The following FRY variants were observed in gnomAD, a reference collection of about 807,000 sequenced individuals.
The protein encoded by FRY is FRY microtubule binding protein, also known as protein furry homolog.
Under a neutral mutation model 348.4 loss-of-function variants are expected in FRY, and 128 were observed. The observed-to-expected ratio is 0.37, with a 90% CI of 0.32 to 0.43. The LOEUF is 0.43. FRY is among the 20% of genes least tolerant of loss of function. The pLI, the probability that FRY is intolerant of heterozygous loss-of-function variation, is 1.00. For synonymous variants in FRY, 1,370 were observed against 1,374.7 expected (o/e 1.00, Z 0.08); for missense variants, 2,736 against 3,695.2 (o/e 0.74, Z 6.73).
chr13:32,265,975 G>A (rs1313387143), intron 54 of FRY, among the ~76,000 whole-genome samples: 1 of 152,128 alleles, frequency 6.6e-6, no homozygotes, highest in Non-Finnish European at 1.5e-5. Flanking sequence ...TGGAACAAGA[G>A]GCTCTTTATA....
At chr13:32,205,872 G>A (rs965881768) in intron 31 of FRY, among the ~76,000 whole-genome samples, 2 of 151,878 alleles carry the variant, frequency 1.3e-5, no homozygotes, top group South Asian at 4.2e-4. Context: ...AATAATAAAT[G>A]ATAAGGGCCT....
chr13:32,073,527 TTGTGTGTATGTGGGCGGG>T (rs1407566502), intron 1 of FRY, among the ~76,000 whole-genome samples: 2 of 151,970 alleles, frequency 1.3e-5, no homozygotes, highest in African/African-American at 4.8e-5. Flanking sequence ...AGTGTGGTAT[TTGTGTGTATGTGGGCGGG>T]TGTGTGTGTG....
chr13:32,208,170 T>C (rs1316111973), intron 31 of FRY, among the ~76,000 whole-genome samples: 1 of 152,232 alleles, frequency 6.6e-6, no homozygotes, highest in Non-Finnish European at 1.5e-5. Flanking sequence ...ACCTTCCACA[T>C]GCTTAGCAGT....
At chr13:32,140,654 A>G (rs2138798005) in intron 11 of FRY, among the ~76,000 whole-genome samples, 1 of 152,316 alleles carries the variant, frequency 6.6e-6, no homozygotes, top group East Asian at 1.9e-4. Flanking sequence ...ATTAGGATTG[A>G]GAATGACGCA....
Position 32,295,428 on chromosome 13 carries a change from C to T in FRY, c.9010C>T (p.Pro3004Ser). Residue 3004 changes from proline (P) to serine (S), a missense_variant, in exon 61 of 61, where the codon CCA (proline) becomes TCA (serine). Around this residue, in one of 9 missense-constraint regions of FRY, gnomAD observed 157 missense variants for 215.2 expected, o/e 0.73. Coordinates refer to ENST00000542859, the MANE Select transcript of FRY (RefSeq NM_023037.3). ...TTACCGAGTCCTCACTACTTTTCTT[C>T]CAGACTCCAGTGTTTCTGGCACTAG... Reference protein sequence around the residue: ...QSYRVLTTFLPDSSVSGTSL With the variant: ...QSYRVLTTFLSDSSVSGTSL 6.2e-7 allele frequency: 1 copy of T among 1,611,958 alleles called. No homozygotes were observed. The highest frequency in any genetic ancestry group is 8.5e-7 in the Non-Finnish European group (1 of 1,179,948).
intron 28 of FRY, 88 bp downstream of exon 28, chr13:32,187,744 A>G (rs1169142448): frequency 6.6e-6 from 5 of 762,054 alleles, no homozygotes. Context: ...ATTGTTCACA[A>G]TACCTCTTCA....
intron 14 of FRY, 84 bp from the exon 15 acceptor site, chr13:32,155,407 C>A: frequency 1.0e-6 from 1 of 984,704 alleles, no homozygotes; most frequent in South Asian, 1.3e-5. Flanking sequence ...GCAATTCAGT[C>A]TTAACTATCT....
At chr13:32,233,273 C>A (rs1047629147) in intron 41 of FRY, among the ~76,000 whole-genome samples, 1 of 152,218 alleles carries the variant, frequency 6.6e-6, no homozygotes, top group Non-Finnish European at 1.5e-5. Flanking sequence ...TTCTGGCCCA[C>A]TTTCATGTAG....
intron 14 of FRY, 130 bp from the exon 15 acceptor site, chr13:32,155,361 G>A: frequency 1.4e-6 from 1 of 736,084 alleles, no homozygotes; most frequent in Non-Finnish European, 2.4e-6. Context: ...CTACACTCTT[G>A]TGGCTTTTAA....
intron 11 of FRY, among the ~76,000 whole-genome samples, chr13:32,143,494 C>G (rs979001358): frequency 6.6e-6 from 1 of 151,890 alleles, no homozygotes; most frequent in African/African-American, 2.4e-5. Flanking sequence ...ACAGGAGGGA[C>G]AGGACAAATA....
At chr13:32,258,368 T>A (rs1010036518) in intron 51 of FRY, among the ~76,000 whole-genome samples, 2 of 152,126 alleles carry the variant, frequency 1.3e-5, no homozygotes, top group African/African-American at 4.8e-5. Flanking sequence ...AATCCCAGCA[T>A]TTTGGGAGGC....
rs562111386 is a variant in FRY, at chr13:32,127,667, T to C, written c.716+2792T>C. On this transcript the variant is annotated intron_variant, in intron 7 of 60. Coordinates refer to ENST00000542859, the MANE Select transcript of FRY (RefSeq NM_023037.3). The stretch of plus-strand genomic sequence containing the variant: ...GGTGGCACGCACCTGTAATCCCAGC[T>C]ACTCAGGAGACTGAGGCAGGAGAAT... Among the ~76,000 whole-genome samples, 229 of 152,096 alleles carry C rather than the reference T, an allele frequency of 1.5e-3. 2 individuals are homozygous for C. Among genetic ancestry groups the C allele is most frequent in the Non-Finnish European group, 2.9e-3 (194 of 67,990 alleles).
intron 21 of FRY, among the ~76,000 whole-genome samples, chr13:32,178,637 A>G (rs574209671): frequency 2.4e-4 from 37 of 152,342 alleles, no homozygotes; most frequent in South Asian, 4.1e-4. Flanking sequence ...ATGATTGTCT[A>G]AGTCTATAAT....
At chr13:32,238,537 C>G (rs1886335713) in intron 44 of FRY, among the ~76,000 whole-genome samples, 1 of 152,134 alleles carries the variant, frequency 6.6e-6, no homozygotes, top group Admixed American at 6.5e-5. Flanking sequence ...ACTGCAACCT[C>G]TCCTCCCAGG....
chr13:32,158,082 G>T (rs1342691081), intron 16 of FRY, among the ~76,000 whole-genome samples: 1 of 152,098 alleles, frequency 6.6e-6, no homozygotes, highest in African/African-American at 2.4e-5. Flanking sequence ...ATTTTCAACT[G>T]CAAATATAAG....
At chr13:32,084,888 A>G (rs949089444) in intron 2 of FRY, among the ~76,000 whole-genome samples, 1 of 103,100 alleles carries the variant, frequency 9.7e-6, no homozygotes, top group African/African-American at 2.8e-5. Context: ...ACACACATGC[A>G]AACACACACA....
chr13:32,157,479 T>G (rs939748624), intron 16 of FRY, 74 bp downstream of exon 16: 9 of 1,427,432 alleles, frequency 6.3e-6, no homozygotes, highest in Non-Finnish European at 8.9e-6. Context: ...TCTCATTTAT[T>G]CTGTATTTTG....
chr13:32,243,983 G>A lies in FRY; in HGVS notation c.6688-59G>A, dbSNP rs961811020. The A allele has an allele frequency of 1.7e-5, 27 of 1,585,604 alleles. No homozygotes were observed. The Admixed American group carries it at 3.5e-4, about 21-fold the overall frequency. ...AATCCTAAATGTGTTGGAAAACACGGGTCCTTCCATACGGAGATCTGGTGT... is the reference window on the plus strand; with the variant it reads ...AATCCTAAATGTGTTGGAAAACACGAGTCCTTCCATACGGAGATCTGGTGT... On this transcript the variant is annotated intron_variant, in intron 46 of 60. Transcript: ENST00000542859.
intron 4 of FRY, among the ~76,000 whole-genome samples, chr13:32,120,952 G>T (rs1878612983): frequency 6.6e-6 from 1 of 152,184 alleles, no homozygotes; most frequent in Admixed American, 6.5e-5. Flanking sequence ...GAGCCACCAT[G>T]CCCAGCCCAC....
Sources: gnomAD v4.1 joint callset for allele counts (sites outside exome capture counted in the v4.1 genomes callset) on GRCh38, gnomAD v4.1.1 for gene constraint, gnomAD v4.1.1 regional missense constraint, MANE v1.5 for transcripts, NCBI Gene and HGNC (gene_info 2026-07-23, HGNC 2026-07-21) for gene names.